FBXL17: variants seen among roughly 807,000 people sequenced by gnomAD.
FBXL17 encodes F-box and leucine rich repeat protein 17.
In FBXL17, 22 loss-of-function variants were observed where a neutral mutation model predicts 66.2. The observed-to-expected ratio is 0.33, with a 90% CI of 0.24 to 0.47. FBXL17 has a LOEUF of 0.47. FBXL17 is among the 20% of genes least tolerant of loss of function. FBXL17 has a pLI of 1.00. For synonymous variants in FBXL17, 474 were observed against 400.5 expected (o/e 1.18, Z -2.19); for missense variants, 878 against 948.2 (o/e 0.93, Z 0.97).
intron 7 of FBXL17, among the ~76,000 whole-genome samples, chr5:108,012,676 G>A (rs1754222028): frequency 6.6e-6 from 1 of 152,150 alleles, no homozygotes; most frequent in Non-Finnish European, 1.5e-5. Context: ...ATGTAAACCT[G>A]AAGCTATCCA....
At chr5:108,250,276 C>A (rs1180927553) in intron 4 of FBXL17, among the ~76,000 whole-genome samples, 1 of 152,090 alleles carries the variant, frequency 6.6e-6, no homozygotes, top group African/African-American at 2.4e-5. Context: ...TGCTAATCTT[C>A]AAATACAGTT....
chr5:108,375,589 A>C (rs1484089143), intron 1 of FBXL17, among the ~76,000 whole-genome samples: 3 of 152,180 alleles, frequency 2.0e-5, no homozygotes, highest in Non-Finnish European at 2.9e-5. Context: ...AGGAAATAGA[A>C]AATCTGAGTA....
intron 1 of FBXL17, among the ~76,000 whole-genome samples, chr5:108,376,786 CTTTTTTT>C (rs11286870): frequency 9.1e-6 from 1 of 110,028 alleles, no homozygotes. Context: ...AGTGTATATT[CTTTTTTT>C]TTTTTTTTTT....
chr5:108,039,521 C>T (rs925970128), intron 6 of FBXL17, among the ~76,000 whole-genome samples: 2 of 151,958 alleles, frequency 1.3e-5, no homozygotes, highest in African/African-American at 2.4e-5. Context: ...AAATAAGATG[C>T]CCCTGAACTT....
chr5:108,270,520 T>G (rs985080607), intron 4 of FBXL17, among the ~76,000 whole-genome samples: 1 of 149,248 alleles, frequency 6.7e-6, no homozygotes, highest in African/African-American at 2.4e-5. Context: ...GAAAAGGAGG[T>G]GACTCTTAGG....
At chr5:108,278,680 G>C (rs1473566548) in intron 4 of FBXL17, among the ~76,000 whole-genome samples, 1 of 152,240 alleles carries the variant, frequency 6.6e-6, no homozygotes, top group African/African-American at 2.4e-5. Flanking sequence ...CACCAGAACT[G>C]GGGTATAAGT....
intron 4 of FBXL17, among the ~76,000 whole-genome samples, chr5:108,256,536 C>G (rs1756584546): frequency 6.6e-6 from 1 of 152,022 alleles, no homozygotes; most frequent in African/African-American, 2.4e-5. Context: ...GAATTTACTT[C>G]CATATCTCCA....
At chr5:108,207,675 G>A (rs1283394111) in intron 5 of FBXL17, among the ~76,000 whole-genome samples, 1 of 152,146 alleles carries the variant, frequency 6.6e-6, no homozygotes, top group Non-Finnish European at 1.5e-5. Context: ...TGGCTGCATA[G>A]TTCTCCATGG....
At chr5:108,029,836 A>C (rs1364194142) in intron 6 of FBXL17, among the ~76,000 whole-genome samples, 1 of 152,010 alleles carries the variant, frequency 6.6e-6, no homozygotes. Context: ...ATGTTCAAGT[A>C]AATGCTATAG....
chr5:108,028,332 T>C (rs1231278809), intron 6 of FBXL17, among the ~76,000 whole-genome samples: 1 of 152,132 alleles, frequency 6.6e-6, no homozygotes, highest in Non-Finnish European at 1.5e-5. Flanking sequence ...ATATTAAACA[T>C]ATAATTGATG....
At chr5:107,885,720 A>C (rs1210535723) in intron 7 of FBXL17, among the ~76,000 whole-genome samples, 1 of 152,190 alleles carries the variant, frequency 6.6e-6, no homozygotes, top group Non-Finnish European at 1.5e-5. Flanking sequence ...ATATAATAAA[A>C]TACATATTAA....
chr5:107,868,634 G>A (rs1045996483), intron 8 of FBXL17, among the ~76,000 whole-genome samples: 3 of 152,232 alleles, frequency 2.0e-5, no homozygotes, highest in African/African-American at 7.2e-5. Flanking sequence ...CCCTCTTGTA[G>A]CTTATAACCT....
chr5:108,350,343 G>A (rs115726536), intron 3 of FBXL17, among the ~76,000 whole-genome samples: 168 of 152,258 alleles, frequency 1.1e-3, no homozygotes, highest in Non-Finnish European at 1.8e-3. Context: ...TAGGGTTTTT[G>A]GACTGGGGTA....
Position 108,293,140 on chromosome 5 carries a change from T to C in FBXL17, c.1506+55259A>G, listed in dbSNP as rs181310629. The stretch of plus-strand genomic sequence containing the variant: ...AAAAAAACTTGTTGAATAGAAACAG[T>C]ATTCCTATATTAGTTTCTTATTAGT... On this transcript the variant is annotated intron_variant, in intron 4 of 8. Coordinates refer to ENST00000542267, the MANE Select transcript of FBXL17 (RefSeq NM_001163315.3). 1.9e-3 allele frequency among the ~76,000 whole-genome samples: 290 copies of C among 151,728 alleles called. 2 individuals carry two copies. Among genetic ancestry groups the C allele is most frequent in the African/African-American group, 6.8e-3 (282 of 41,430 alleles).
chr5:107,870,992 C>G (rs893937298), intron 8 of FBXL17, among the ~76,000 whole-genome samples: 2 of 142,146 alleles, frequency 1.4e-5, no homozygotes, highest in African/African-American at 5.2e-5. Context: ...AACCTCATAC[C>G]GGTAGCCTGG....
intron 7 of FBXL17, among the ~76,000 whole-genome samples, chr5:107,907,376 C>T (rs994138588): frequency 1.3e-5 from 2 of 152,160 alleles, no homozygotes; most frequent in African/African-American, 4.8e-5. Context: ...CAAACACATA[C>T]ATACGGGCTC....
chr5:107,975,010 A>T (rs1216804734), intron 7 of FBXL17, among the ~76,000 whole-genome samples: 1 of 152,220 alleles, frequency 6.6e-6, no homozygotes, highest in African/African-American at 2.4e-5. Context: ...TCATTTATTT[A>T]TATCAAAAGC....
intron 4 of FBXL17, chr5:108,302,023 A>C: frequency 3.0e-6 from 3 of 985,040 alleles, no homozygotes; most frequent in Non-Finnish European, 3.6e-6. Context: ...CGTGATTGGA[A>C]TATGACATTT....
intron 4 of FBXL17, among the ~76,000 whole-genome samples, chr5:108,293,013 G>A (rs887407622): frequency 4.0e-5 from 6 of 151,132 alleles, no homozygotes; most frequent in East Asian, 3.9e-4. Flanking sequence ...GCGTGAACCC[G>A]GGAGGCGGAG....
Sources: allele counts gnomAD v4.1 joint callset (sites outside exome capture counted in the v4.1 genomes callset), GRCh38; gene constraint gnomAD v4.1.1; transcripts MANE v1.5; gene names NCBI Gene and HGNC (gene_info 2026-07-23, HGNC 2026-07-21).